The following CCDC68 variants were observed in gnomAD, a reference collection of about 807,000 sequenced individuals.
CCDC68 encodes the protein coiled-coil domain-containing protein 68.
CCDC68 carries 45 observed loss-of-function variants against 47.1 expected under a neutral mutation model. The observed-to-expected ratio is 0.96, with a 90% CI of 0.75 to 1.23. The LOEUF is 1.23. Ranked by LOEUF, CCDC68 falls within the 50% of genes most tolerant of loss-of-function variation. CCDC68 has a pLI of 0.00. For missense variants in CCDC68, 353 were observed against 373.6 expected (o/e 0.94, Z 0.45); for synonymous variants, 131 against 129.5 (o/e 1.01, Z -0.08).
chr18:54,910,471 G>C (rs1914292415), intron 10 of CCDC68, among the ~76,000 whole-genome samples: 1 of 152,210 alleles, frequency 6.6e-6, no homozygotes, highest in Non-Finnish European at 1.5e-5. Flanking sequence ...TTGCTCCATG[G>C]GCAGCCATGA....
At chr18:54,930,632 T>TTC (rs1568147397) in intron 7 of CCDC68, among the ~76,000 whole-genome samples, 5 of 4,434 alleles carry the variant, frequency 1.1e-3, no homozygotes, top group African/African-American at 2.1e-3. Context: ...TTCCCCTCCC[T>TTC]CCCTCCCTCC....
chr18:54,911,755 A>C (rs1914383225), intron 10 of CCDC68, among the ~76,000 whole-genome samples: 1 of 152,234 alleles, frequency 6.6e-6, no homozygotes, highest in African/African-American at 2.4e-5. Flanking sequence ...ATTCTGTGAC[A>C]GGACAATTAG....
At chr18:54,945,270 A>G (rs2044506391) in intron 2 of CCDC68, 118 bp downstream of exon 2, 1 of 152,188 alleles carries the variant, frequency 6.6e-6, no homozygotes, top group South Asian at 2.1e-4. Context: ...AAATTTCTAT[A>G]ATAAATAGTA....
At chr18:54,917,560 T>C (rs865985895) in intron 10 of CCDC68, among the ~76,000 whole-genome samples, 1 of 152,186 alleles carries the variant, frequency 6.6e-6, no homozygotes, top group Non-Finnish European at 1.5e-5. Flanking sequence ...AATACAATCT[T>C]TTAAACACTT....
intron 10 of CCDC68, among the ~76,000 whole-genome samples, chr18:54,917,481 A>T (rs2145415074): frequency 6.6e-6 from 1 of 152,314 alleles, no homozygotes; most frequent in East Asian, 1.9e-4. Context: ...GGAAAATCCG[A>T]ATGAACTTTT....
chr18:54,958,924 C>G (rs1283996204), intron 1 of CCDC68, among the ~76,000 whole-genome samples: 1 of 152,230 alleles, frequency 6.6e-6, no homozygotes, highest in Non-Finnish European at 1.5e-5. Flanking sequence ...GCGCAGTGAC[C>G]TGTCAAAGCC....
intron 2 of CCDC68, among the ~76,000 whole-genome samples, chr18:54,943,624 TG>T (rs1176146861): frequency 6.6e-6 from 1 of 152,210 alleles, no homozygotes. Flanking sequence ...TATTTATCCC[TG>T]GTGTGCTATA....
chr18:54,915,962 T>G (rs1057468634), intron 10 of CCDC68, among the ~76,000 whole-genome samples: 1 of 152,112 alleles, frequency 6.6e-6, no homozygotes, highest in African/African-American at 2.4e-5. Flanking sequence ...ACATAATATA[T>G]TGCTACATGT....
intron 10 of CCDC68, among the ~76,000 whole-genome samples, chr18:54,915,698 G>A (rs2043935375): frequency 6.6e-6 from 1 of 152,184 alleles, no homozygotes; most frequent in Non-Finnish European, 1.5e-5. Flanking sequence ...GGAGGCCGAG[G>A]TGGGCAGATC....
At chr18:54,949,843 G>A (rs2044584742) in intron 1 of CCDC68, among the ~76,000 whole-genome samples, 2 of 152,196 alleles carry the variant, frequency 1.3e-5, no homozygotes, top group African/African-American at 4.8e-5. Context: ...GCTGGAGGCA[G>A]TGGAAATCCA....
intron 11 of CCDC68, among the ~76,000 whole-genome samples, chr18:54,905,294 G>T (rs570149730): frequency 2.7e-5 from 4 of 148,972 alleles, no homozygotes; most frequent in African/African-American, 1.0e-4. Context: ...GGAGGGGAGG[G>T]GAGGGACTAG....
chr18:54,933,553 A>G (rs1343309281), intron 7 of CCDC68, among the ~76,000 whole-genome samples: 1 of 152,190 alleles, frequency 6.6e-6, no homozygotes, highest in East Asian at 1.9e-4. Flanking sequence ...CTTAATGCAA[A>G]CATTCTTTGT....
Position 54,950,788 on chromosome 18 carries a change from G to GTATATATATATATATATATA in CCDC68, c.-102-5312_-102-5311insTATATATATATATATATATA, listed in dbSNP as rs759466735. 6.9e-3 allele frequency among the ~76,000 whole-genome samples: 675 copies of GTATATATATATATATATATA among 97,210 alleles called. 19 individuals are homozygous for GTATATATATATATATATATA. Among genetic ancestry groups the GTATATATATATATATATATA allele is most frequent in the East Asian group, 0.01 (27 of 2,580 alleles). 63.8% of individuals were successfully genotyped at this position (97,210 alleles called of 152,430 possible). A position where few individuals can be genotyped will look rare whatever the true frequency, so the allele number is the denominator to read the frequency against. On this transcript the variant is annotated intron_variant, in intron 1 of 11. Transcript: ENST00000591504. The stretch of plus-strand genomic sequence containing the variant: ...CTGTGTTATTGTTATTATCTTCAGT[G>GTATATATATATATATATATA]TATATATATATATATGATGCAATAA...
chr18:54,935,883 C>T (rs1226739387), intron 6 of CCDC68, among the ~76,000 whole-genome samples: 1 of 152,118 alleles, frequency 6.6e-6, no homozygotes. Context: ...CAAACACACA[C>T]ACACAGGCAT....
chr18:54,925,244 A>G (rs2044125964), intron 8 of CCDC68, among the ~76,000 whole-genome samples: 1 of 152,210 alleles, frequency 6.6e-6, no homozygotes. Context: ...ACCTTATGGT[A>G]TACCTATTCT....
intron 10 of CCDC68, among the ~76,000 whole-genome samples, chr18:54,915,893 C>A (rs914178262): frequency 6.6e-6 from 1 of 152,038 alleles, no homozygotes; most frequent in African/African-American, 2.4e-5. Context: ...CATGCCACTG[C>A]GCTCCAGCCT....
chr18:54,942,049 C>T lies in CCDC68; in HGVS notation c.117+626G>A, dbSNP rs576384877. Among the ~76,000 whole-genome samples, 3 of 152,284 alleles carry T rather than the reference C, an allele frequency of 2.0e-5. No homozygotes were observed. The East Asian group carries it at 5.8e-4, about 29-fold the overall frequency. On this transcript the variant is annotated intron_variant, in intron 3 of 11. Transcript: ENST00000591504. ...CTGACCTCAGGTGATCCACCTGCCT[C>T]GGCCTCCCAAAGTGCTGGGATTACA...
Position 54,940,983 on chromosome 18 carries a change from C to A in CCDC68, c.204+14G>T. On this transcript the variant is annotated intron_variant, in intron 4 of 11. Coordinates refer to ENST00000591504, the MANE Select transcript of CCDC68 (RefSeq NM_025214.3). ...TAAATGGCTTTATGCTAATCTTCTG[C>A]AGGAAATTATTACCTTTGCATCTAG... 1 of 1,569,084 alleles carries A rather than the reference C, an allele frequency of 6.4e-7. No individual in the cohort carries two copies. The highest frequency in any genetic ancestry group is 1.1e-5 in the South Asian group (1 of 88,772).
At chr18:54,928,994 G>A (rs1357651734) in intron 7 of CCDC68, 112 bp from the exon 8 acceptor site, 1 of 662,944 alleles carries the variant, frequency 1.5e-6, no homozygotes, top group Non-Finnish European at 2.7e-6. Context: ...TTTCACATGT[G>A]CTGTTACTCC....
Sources: gnomAD v4.1 joint callset for allele counts (sites outside exome capture counted in the v4.1 genomes callset) on GRCh38, gnomAD v4.1.1 for gene constraint, MANE v1.5 for transcripts, NCBI Gene and HGNC (gene_info 2026-07-23, HGNC 2026-07-21) for gene names.